The following HEPH variants were observed in gnomAD, a reference collection of about 807,000 sequenced individuals.
HEPH encodes hephaestin.
A neutral mutation model predicts 80.8 loss-of-function variants in HEPH; 69 were observed. The observed-to-expected ratio is 0.85, with a 90% CI of 0.70 to 1.04. The LOEUF is 1.04. HEPH is among the 50% of genes least tolerant of loss of function. The pLI is 0.00. For synonymous variants in HEPH, 431 were observed against 322.8 expected (o/e 1.34, Z -3.60); for missense variants, 1,115 against 891.3 (o/e 1.25, Z -3.20).
intron 15 of HEPH, among the ~76,000 whole-genome samples, chrX:66,209,198 G>A (rs1490278044): frequency 1.8e-5 from 2 of 111,871 alleles, no homozygotes; most frequent in African/African-American, 6.5e-5. Context: ...TTTTTACAGT[G>A]TGATAGGCAT....
intron 20 of HEPH, among the ~76,000 whole-genome samples, chrX:66,265,902 C>T (rs1468176588): frequency 1.8e-5 from 2 of 111,461 alleles, no homozygotes; most frequent in African/African-American, 6.5e-5. Context: ...AGTGTGTATG[C>T]CAAGAACTAA....
chrX:66,173,581 A>G lies in HEPH; in HGVS notation c.413-8A>G. The G allele has an allele frequency of 8.4e-7, 1 of 1,191,994 alleles. No homozygotes were observed. The highest frequency in any genetic ancestry group is 1.8e-5 in the South Asian group (1 of 55,795). ...TCTGGGCCTGTGCATGTACAATTTCATTTCTAGGTTCCCTATACCCAGATG... is the reference window on the plus strand; with the variant it reads ...TCTGGGCCTGTGCATGTACAATTTCGTTTCTAGGTTCCCTATACCCAGATG... On this transcript the variant is annotated splice_polypyrimidine_tract_variant and splice_region_variant and intron_variant, in intron 3 of 20. Coordinates refer to ENST00000343002, the MANE Select transcript of HEPH (RefSeq NM_001367233.3).
intron 15 of HEPH, among the ~76,000 whole-genome samples, chrX:66,225,714 G>T (rs752930210): frequency 8.9e-6 from 1 of 112,667 alleles, no homozygotes; most frequent in South Asian, 3.7e-4. Context: ...GCACTCTCAG[G>T]ATCTGTGTCA....
At chrX:66,246,437 T>C (rs2090810129) in intron 15 of HEPH, among the ~76,000 whole-genome samples, 1 of 111,427 alleles carries the variant, frequency 9.0e-6, no homozygotes, top group South Asian at 3.8e-4. Flanking sequence ...ATCTTACTCC[T>C]TCTAGGCACC....
chrX:66,199,360 TC>T (rs372019776), intron 11 of HEPH, among the ~76,000 whole-genome samples: 1,451 of 93,253 alleles, frequency 0.016, 28 homozygotes, highest in South Asian at 0.042. Flanking sequence ...GTACCTTGGG[TC>T]CCCCCCCCCC....
rs1183627682 is a variant in HEPH, at chrX:66,266,526, G to GT, written c.3335dup (p.Leu1112PhefsTer5). On this transcript the variant is annotated frameshift_variant, in exon 21 of 21. Coordinates refer to ENST00000343002, the MANE Select transcript of HEPH (RefSeq NM_001367233.3). LOFTEE classifies it high-confidence loss of function. ...AAAGAATGTTGAGATGCTGGCCTCT[G>GT]TTTTGGTTGCCATTAGTGTCACCCT... 2.5e-6 allele frequency: 3 copies of GT among 1,207,108 alleles called. No homozygotes were observed. Among genetic ancestry groups the GT allele is most frequent in the Non-Finnish European group, 3.4e-6 (3 of 893,852 alleles).
chrX:66,169,063 C>T (rs926785508), intron 1 of HEPH, among the ~76,000 whole-genome samples: 1 of 110,905 alleles, frequency 9.0e-6, no homozygotes, highest in African/African-American at 3.3e-5. Flanking sequence ...TATGCTGGAG[C>T]CACACTTCCT....
At position 66,266,441 on chromosome X, in the gene HEPH, A is replaced by C. The variant is rs1223406766; in HGVS notation, c.3246A>C (p.Ala1082=). 1 of 1,202,509 alleles carries C rather than the reference A, an allele frequency of 8.3e-7. No individual in the cohort carries two copies. Among genetic ancestry groups the C allele is most frequent in the Non-Finnish European group, 1.1e-6 (1 of 889,739 alleles). The change falls in exon 21 of 21, where the codon GCA becomes GCC. Residue 1082 remains alanine (A), a splice_region_variant and synonymous_variant. Coordinates refer to ENST00000343002, the MANE Select transcript of HEPH (RefSeq NM_001367233.3). ...LTVITKETEK[A]VPPRDIEEGN... ...CCATTTTTTTTTTCTCCATTTCAGC[A>C]GTGCCCCCCAGAGACATTGAAGAAG...
intron 12 of HEPH, among the ~76,000 whole-genome samples, chrX:66,201,971 G>A (rs2147798076): frequency 8.9e-6 from 1 of 112,378 alleles, no homozygotes; most frequent in Non-Finnish European, 1.9e-5. Flanking sequence ...CTTTCAACGT[G>A]TTTATAAACT....
intron 15 of HEPH, among the ~76,000 whole-genome samples, chrX:66,222,312 A>G (rs2089686983): frequency 8.9e-6 from 1 of 112,471 alleles, no homozygotes; most frequent in Non-Finnish European, 1.9e-5. Context: ...AGGCTGTAGA[A>G]TCCTGGAAAA....
chrX:66,199,407 A>G (rs1246897133), intron 11 of HEPH, among the ~76,000 whole-genome samples: 1 of 108,878 alleles, frequency 9.2e-6, no homozygotes, highest in Non-Finnish European at 1.9e-5. Flanking sequence ...TTCTTTGTGA[A>G]CATGCTGATT....
intron 15 of HEPH, among the ~76,000 whole-genome samples, chrX:66,237,402 A>G (rs1427810433): frequency 2.7e-5 from 3 of 112,182 alleles, no homozygotes; most frequent in African/African-American, 9.7e-5. Context: ...AAAGTCATTC[A>G]GAAGCAGGTT....
At chrX:66,228,955 A>G (rs781750961) in intron 15 of HEPH, among the ~76,000 whole-genome samples, 22 of 112,710 alleles carry the variant, frequency 2.0e-4, no homozygotes, top group Middle Eastern at 4.6e-3. Context: ...TACAGCCTCT[A>G]TGGAAAACAG....
intron 17 of HEPH, among the ~76,000 whole-genome samples, chrX:66,258,287 C>A (rs930787738): frequency 1.8e-5 from 2 of 111,508 alleles, no homozygotes; most frequent in Admixed American, 9.5e-5. Flanking sequence ...GAAGGGGATG[C>A]AGGGAATGAG....
At chrX:66,176,666 C>T (rs1203517598) in intron 4 of HEPH, among the ~76,000 whole-genome samples, 1 of 110,779 alleles carries the variant, frequency 9.0e-6, no homozygotes, top group Non-Finnish European at 1.9e-5. Context: ...CACCCCACAA[C>T]AGTCCCTGGT....
intron 15 of HEPH, among the ~76,000 whole-genome samples, chrX:66,216,540 G>A (rs2089406558): frequency 8.9e-6 from 1 of 112,012 alleles, no homozygotes; most frequent in Admixed American, 9.4e-5. Context: ...CATCCAGGGA[G>A]CACCCTGTGG....
At chrX:66,187,085 T>A (rs899368615) in intron 4 of HEPH, among the ~76,000 whole-genome samples, 1 of 107,689 alleles carries the variant, frequency 9.3e-6, no homozygotes, top group East Asian at 2.8e-4. Context: ...TTTTGATTGT[T>A]TTTTCTTTAT....
chrX:66,268,545 A>G (rs2091587314), downstream of HEPH: 1 of 111,965 alleles, frequency 8.9e-6, no homozygotes, highest in African/African-American at 3.2e-5. Flanking sequence ...GTTAACATGA[A>G]TGTTAATGAA....
chrX:66,197,772 G>T lies in HEPH; in HGVS notation c.1591G>T (p.Asp531Tyr). 2 of 1,211,501 alleles carry T rather than the reference G, an allele frequency of 1.7e-6. No individual in the cohort carries two copies. Among genetic ancestry groups the T allele is most frequent in the Non-Finnish European group, 2.2e-6 (2 of 895,255 alleles). Reference sequence around the variant, plus strand: ...CCCTCATGCCGGTCCCACTGCTCAGGATCCTGCTTGTCTCACTTGGATGTA... The same window carrying T: ...CCCTCATGCCGGTCCCACTGCTCAGTATCCTGCTTGTCTCACTTGGATGTA... The part of the protein sequence containing the change: ...VPPHAGPTAQ[D>Y]PACLTWMYFS... Residue 531 changes from aspartate to tyrosine, a missense_variant, in exon 10 of 21, where the codon GAT becomes TAT. Asp to Tyr is a radical substitution (Grantham distance 160). Transcript: ENST00000343002.
Sources: gnomAD v4.1 joint callset for allele counts (sites outside exome capture counted in the v4.1 genomes callset) on GRCh38, gnomAD v4.1.1 for gene constraint, MANE v1.5 for transcripts, NCBI Gene and HGNC (gene_info 2026-07-23, HGNC 2026-07-21) for gene names.